The following AGBL4 variants were observed in gnomAD, a reference collection of about 807,000 sequenced individuals.
AGBL4 encodes the protein AGBL carboxypeptidase 4.
AGBL4 carries 58 observed loss-of-function variants against 66.4 expected under a neutral mutation model. That is an observed-to-expected ratio of 0.87 (90% CI 0.71 to 1.09). The LOEUF (loss-of-function observed/expected upper bound fraction) is 1.09, where lower values mean the gene tolerates loss of function less well. Among genes scored for constraint, AGBL4 ranks in the 50% least tolerant of loss-of-function variants. The pLI, the probability that AGBL4 is intolerant of heterozygous loss-of-function variation, is 0.00. For synonymous variants in AGBL4, 234 were observed against 222.9 expected (o/e 1.05, Z -0.44); for missense variants, 579 against 631.0 (o/e 0.92, Z 0.88).
At chr1:50,012,051 C>T (rs946190644) in intron 1 of AGBL4, among the ~76,000 whole-genome samples, 1 of 150,568 alleles carries the variant, frequency 6.6e-6, no homozygotes, top group Non-Finnish European at 1.5e-5. Flanking sequence ...CCCAGCTACT[C>T]GGGAGGCTGA....
intron 4 of AGBL4, among the ~76,000 whole-genome samples, chr1:49,095,551 G>A (rs1372658782): frequency 4.6e-5 from 7 of 152,080 alleles, no homozygotes; most frequent in South Asian, 4.1e-4. Context: ...TACAACTATC[G>A]GATCTTTGAC....
chr1:49,493,788 A>C (rs1234013675), intron 3 of AGBL4, among the ~76,000 whole-genome samples: 1 of 152,078 alleles, frequency 6.6e-6, no homozygotes, highest in Non-Finnish European at 1.5e-5. Flanking sequence ...GACAAAAAAT[A>C]AATCCTATTT....
intron 5 of AGBL4, among the ~76,000 whole-genome samples, chr1:48,991,261 G>GT (rs902053033): frequency 8.8e-4 from 133 of 151,600 alleles, no homozygotes; most frequent in Middle Eastern, 3.4e-3. Flanking sequence ...CAATTTTTTT[G>GT]TTTTTTTTGT....
At chr1:49,288,649 C>T (rs1278080718) in intron 3 of AGBL4, among the ~76,000 whole-genome samples, 1 of 152,142 alleles carries the variant, frequency 6.6e-6, no homozygotes, top group Admixed American at 6.5e-5. Flanking sequence ...CTAAGTGGAG[C>T]TTTCAACAGT....
intron 2 of AGBL4, among the ~76,000 whole-genome samples, chr1:49,759,983 T>C (rs186409002): frequency 9.8e-5 from 15 of 152,322 alleles, no homozygotes; most frequent in Admixed American, 4.6e-4. Flanking sequence ...GACTTCTTAA[T>C]GAGTACAGGA....
intron 3 of AGBL4, among the ~76,000 whole-genome samples, chr1:49,635,998 T>C (rs1645663789): frequency 1.3e-5 from 2 of 152,156 alleles, no homozygotes; most frequent in African/African-American, 2.4e-5. Flanking sequence ...GCCTCAAACA[T>C]GAAGCTCATT....
intron 5 of AGBL4, among the ~76,000 whole-genome samples, chr1:48,979,733 A>G (rs1056936184): frequency 1.4e-4 from 21 of 152,136 alleles, no homozygotes; most frequent in African/African-American, 5.1e-4. Flanking sequence ...ATATAATGTA[A>G]GAAAGACACT....
At chr1:49,914,314 C>T (rs997301321) in intron 1 of AGBL4, among the ~76,000 whole-genome samples, 1 of 152,188 alleles carries the variant, frequency 6.6e-6, no homozygotes, top group African/African-American at 2.4e-5. Flanking sequence ...TTGTTCATCA[C>T]TCCTAAGTTC....
At chr1:49,116,130 T>C (rs1645515666) in intron 4 of AGBL4, among the ~76,000 whole-genome samples, 1 of 152,220 alleles carries the variant, frequency 6.6e-6, no homozygotes. Context: ...AAGTATGTTT[T>C]TTAAAGCTCT....
intron 1 of AGBL4, among the ~76,000 whole-genome samples, chr1:49,938,051 C>G (rs1391102420): frequency 6.7e-6 from 1 of 149,900 alleles, no homozygotes; most frequent in East Asian, 2.0e-4. Context: ...ATTAATGAAT[C>G]CAGGAGCTGG....
intron 6 of AGBL4, among the ~76,000 whole-genome samples, chr1:48,832,199 G>A (rs1260338665): frequency 2.0e-5 from 3 of 152,150 alleles, no homozygotes; most frequent in Admixed American, 2.0e-4. Flanking sequence ...GGAAACACTG[G>A]AAAATGCTTG....
chr1:49,462,475 A>G (rs1646536066), intron 3 of AGBL4, among the ~76,000 whole-genome samples: 1 of 151,658 alleles, frequency 6.6e-6, no homozygotes, highest in African/African-American at 2.4e-5. Context: ...TGACTAAATG[A>G]CTGTTGGTGT....
chr1:49,986,853 A>G (rs1339335940), intron 1 of AGBL4, among the ~76,000 whole-genome samples: 1 of 152,096 alleles, frequency 6.6e-6, no homozygotes, highest in Admixed American at 6.5e-5. Flanking sequence ...TGATACCTAT[A>G]TTCATCAATG....
chr1:48,638,010 A>G (rs1414747734), intron 8 of AGBL4, among the ~76,000 whole-genome samples: 6 of 152,184 alleles, frequency 3.9e-5, no homozygotes, highest in Non-Finnish European at 5.9e-5. Flanking sequence ...TCATAAAACA[A>G]TTGTATCCTT....
chr1:49,141,999 G>A (rs762557461), intron 4 of AGBL4, among the ~76,000 whole-genome samples: 10 of 152,004 alleles, frequency 6.6e-5, no homozygotes, highest in Non-Finnish European at 1.2e-4. Context: ...ACGAGGTGGT[G>A]GGGGGGTGGG....
At chr1:49,282,358 T>G (rs531572402) in intron 3 of AGBL4, among the ~76,000 whole-genome samples, 1 of 152,282 alleles carries the variant, frequency 6.6e-6, no homozygotes, top group Non-Finnish European at 1.5e-5. Context: ...AATGAGGCTC[T>G]TTGTCTCAAA....
intron 3 of AGBL4, among the ~76,000 whole-genome samples, chr1:49,444,952 T>C (rs1646119834): frequency 6.6e-6 from 1 of 152,040 alleles, no homozygotes; most frequent in African/African-American, 2.4e-5. Context: ...AGCTTTTTTT[T>C]TTCTTTTTTT....
chr1:49,247,879 T>C (rs2148331981), intron 3 of AGBL4, among the ~76,000 whole-genome samples: 1 of 152,234 alleles, frequency 6.6e-6, no homozygotes, highest in African/African-American at 2.4e-5. Flanking sequence ...TGTGAGGAAA[T>C]TGACACTTAA....
chr1:49,736,039 T>C (rs1183212788), intron 2 of AGBL4, among the ~76,000 whole-genome samples: 2 of 152,042 alleles, frequency 1.3e-5, no homozygotes, highest in Non-Finnish European at 2.9e-5. Flanking sequence ...CAGAAATCTT[T>C]GGGAAACCAT....
Sources: allele counts gnomAD v4.1 joint callset (sites outside exome capture counted in the v4.1 genomes callset), GRCh38; gene constraint gnomAD v4.1.1; transcripts MANE v1.5; gene names NCBI Gene and HGNC (gene_info 2026-07-23, HGNC 2026-07-21).